CLPTM1L: variants seen among roughly 807,000 people sequenced by gnomAD.
The protein encoded by CLPTM1L is CLPTM1 like.
Under a neutral mutation model 70.9 loss-of-function variants are expected in CLPTM1L, and 38 were observed. That is an observed-to-expected ratio of 0.54 (90% CI 0.41 to 0.70). The LOEUF (loss-of-function observed/expected upper bound fraction) is 0.70. Ranked by LOEUF, CLPTM1L falls within the 30% of genes least tolerant of loss-of-function variation. The pLI, the probability that CLPTM1L is intolerant of heterozygous loss-of-function variation, is 0.00. For synonymous variants in CLPTM1L, 339 were observed against 299.9 expected (o/e 1.13, Z -1.35); for missense variants, 652 against 705.9 (o/e 0.92, Z 0.87).
intron 15 of CLPTM1L, among the ~76,000 whole-genome samples, chr5:1,321,397 A>G (rs1429117431): frequency 6.6e-6 from 1 of 152,248 alleles, no homozygotes; most frequent in Non-Finnish European, 1.5e-5. Context: ...ACTAAAAAAG[A>G]AAAAGAAAAC....
chr5:1,343,407 G>A (rs537347200), intron 2 of CLPTM1L, among the ~76,000 whole-genome samples: 58 of 152,338 alleles, frequency 3.8e-4, no homozygotes, highest in African/African-American at 1.4e-3. Context: ...ACTTCCTCCA[G>A]GCTGACACTG....
At chr5:1,338,829 C>T (rs755306310) in intron 4 of CLPTM1L, 31 bp downstream of exon 4, 34 of 1,611,664 alleles carry the variant, frequency 2.1e-5, no homozygotes, top group Non-Finnish European at 2.9e-5. Context: ...GCACCCTCCC[C>T]CCGGCGCTCC....
intron 15 of CLPTM1L, among the ~76,000 whole-genome samples, 181 bp from the exon 16 acceptor site, chr5:1,320,912 T>C (rs1246735322): frequency 6.6e-6 from 1 of 152,176 alleles, no homozygotes; most frequent in Admixed American, 6.5e-5. Flanking sequence ...TGTTCCCTCA[T>C]GGGCTCCCCA....
At chr5:1,325,447 TG>T in intron 10 of CLPTM1L, 1 of 462,554 alleles carries the variant, frequency 2.2e-6, no homozygotes, top group South Asian at 3.6e-5. Context: ...GGAGCGCCTC[TG>T]GACAAGGTGC....
chr5:1,334,286 C>G lies in CLPTM1L; in HGVS notation c.891+3G>C. 6.2e-7 allele frequency: 1 copy of G among 1,612,680 alleles called. No individual in the cohort carries two copies. The highest frequency in any genetic ancestry group is 8.5e-7 in the Non-Finnish European group (1 of 1,178,978). ...GCGGCAAGCCCCCCGGTGGATGACT[C>G]ACATGGAACGCTGCGACAAAGAAGG... On this transcript the variant is annotated splice_donor_region_variant and intron_variant, in intron 7 of 16. Transcript: ENST00000320895.
intron 4 of CLPTM1L, 136 bp downstream of exon 4, chr5:1,338,724 G>C: frequency 2.1e-6 from 2 of 956,716 alleles, no homozygotes; most frequent in Non-Finnish European, 3.1e-6. Context: ...AAGTGGGAAA[G>C]AGCTGGGAGG....
At chr5:1,321,598 C>T in intron 15 of CLPTM1L, 37 bp downstream of exon 15, 1 of 1,599,282 alleles carries the variant, frequency 6.3e-7, no homozygotes. Flanking sequence ...ACGCTCTGCT[C>T]AGTGAGAAGG....
chr5:1,344,915 G>A lies in CLPTM1L; in HGVS notation c.-74C>T, dbSNP rs1020580124. The A allele has an allele frequency of 3.5e-6, 3 of 864,564 alleles. No homozygotes were observed. Among genetic ancestry groups the A allele is most frequent in the African/African-American group, 4.0e-5 (2 of 49,766 alleles). The allele number at this position is 864,564 out of a possible 1,614,324, so 53.6% of individuals were successfully genotyped here. On this transcript the variant is annotated 5_prime_UTR_variant, in exon 1 of 17. Coordinates refer to ENST00000320895, the MANE Select transcript of CLPTM1L (RefSeq NM_030782.5). ...GCCCCGCCCGCCCGGCGCCCAGCCC[G>A]CCGCTCCGGGCTCCGCCGCTCACTG...
rs1341619913 is a variant in CLPTM1L, at chr5:1,344,401, G to C, written c.213C>G (p.Ile71Met). 6.2e-7 allele frequency: 1 copy of C among 1,613,732 alleles called. No individual in the cohort carries two copies. Among genetic ancestry groups the C allele is most frequent in the Non-Finnish European group, 8.5e-7 (1 of 1,179,986 alleles). ...AGTCTTCCACATTCAAGACCAGGTC[G>C]ATGTTGTTCTCAGCACCCAGGTGGG... is the stretch of plus-strand genomic sequence containing the variant. Reference protein sequence around the residue: ...TRSHLGAENNIDLVLNVEDFD... With the variant: ...TRSHLGAENNMDLVLNVEDFD... Residue 71 changes from isoleucine (I) to methionine (M), a missense_variant, in exon 2 of 17, where the codon ATC becomes ATG. By Grantham distance (10) the Ile-to-Met change is conservative. Transcript: ENST00000320895.
intron 10 of CLPTM1L, chr5:1,325,139 G>C (rs1219394398): frequency 1.5e-5 from 6 of 413,024 alleles, no homozygotes; most frequent in East Asian, 4.2e-5. Context: ...ACACTGCTCC[G>C]AACCAGCCGG....
At chr5:1,322,322 A>G (rs965547259) in intron 13 of CLPTM1L, among the ~76,000 whole-genome samples, 3 of 152,204 alleles carry the variant, frequency 2.0e-5, no homozygotes, top group African/African-American at 7.2e-5. Context: ...ACAGCAGCCC[A>G]TGCAGCTGAA....
intron 5 of CLPTM1L, among the ~76,000 whole-genome samples, chr5:1,335,753 C>T (rs1326760873): frequency 6.6e-6 from 1 of 152,174 alleles, no homozygotes; most frequent in Non-Finnish European, 1.5e-5. Context: ...TGCAGCCTGC[C>T]GGGGCCTCAC....
intron 11 of CLPTM1L, among the ~76,000 whole-genome samples, chr5:1,324,559 G>A (rs558526429): frequency 5.8e-4 from 89 of 152,222 alleles, no homozygotes; most frequent in African/African-American, 2.1e-3. Flanking sequence ...TGCCTGTAAG[G>A]ACTGGGAAAT....
chr5:1,335,210 A>AGTG, intron 5 of CLPTM1L, 36 bp from the exon 6 acceptor site: 3 of 1,555,850 alleles, frequency 1.9e-6, no homozygotes, highest in Non-Finnish European at 2.7e-6. Context: ...CCCTGCCCTC[A>AGTG]TACCCTTGCA....
intron 6 of CLPTM1L, 30 bp from the exon 7 acceptor site, chr5:1,334,413 A>T: frequency 6.9e-7 from 1 of 1,441,438 alleles, no homozygotes. Flanking sequence ...ATACAATATA[A>T]AACAGGCAAT....
chr5:1,323,216 C>T (rs1006980610), intron 12 of CLPTM1L, among the ~76,000 whole-genome samples: 39 of 147,336 alleles, frequency 2.6e-4, no homozygotes, highest in Non-Finnish European at 5.2e-4. Flanking sequence ...GCACCCTGCC[C>T]GGGCAGCAGA....
At position 1,318,588 on chromosome 5, in the gene CLPTM1L, A is replaced by G. The variant is rs1425612474; in HGVS notation, c.1533-135T>C. 1 of 715,898 alleles carries G rather than the reference A, an allele frequency of 1.4e-6. No homozygotes were observed. Among genetic ancestry groups the G allele is most frequent in the East Asian group, 2.7e-5 (1 of 36,400 alleles). The allele number at this position is 715,898 out of a possible 1,614,324, so 44.3% of individuals were successfully genotyped here. On this transcript the variant is annotated intron_variant, in intron 16 of 16. Coordinates refer to ENST00000320895, the MANE Select transcript of CLPTM1L (RefSeq NM_030782.5). The surrounding 1 kb of genome is among the most constrained non-coding windows in gnomAD (Gnocchi z 8.9). ...AAATTAACTAAAAAGTCGAATCCTC[A>G]GAAGTTTTACTGCCGAGGGCTGAGG...
chr5:1,327,732 T>C (rs1327649263), intron 9 of CLPTM1L, among the ~76,000 whole-genome samples: 1 of 149,132 alleles, frequency 6.7e-6, no homozygotes, highest in Non-Finnish European at 1.5e-5. Context: ...TTCATCCAGC[T>C]CCTCCTCTAC....
intron 9 of CLPTM1L, chr5:1,326,127 T>G: frequency 2.7e-6 from 1 of 375,630 alleles, no homozygotes; most frequent in Non-Finnish European, 4.8e-6. Flanking sequence ...TACTTCTGCC[T>G]GCCACTCGGG....
Sources: gnomAD v4.1 joint callset for allele counts (sites outside exome capture counted in the v4.1 genomes callset) on GRCh38, gnomAD v4.1.1 for gene constraint, Gnocchi (gnomAD v3.1) non-coding constraint, MANE v1.5 for transcripts, NCBI Gene and HGNC (gene_info 2026-07-23, HGNC 2026-07-21) for gene names.